Variants in CSMD1 observed in about 807,000 individuals in gnomAD.
CSMD1 encodes CUB and Sushi multiple domains 1.
CSMD1 carries 213 observed loss-of-function variants against 417.5 expected under a neutral mutation model. That is an observed-to-expected ratio of 0.51 (90% CI 0.46 to 0.57). The LOEUF (loss-of-function observed/expected upper bound fraction) is 0.57. CSMD1 is among the 20% of genes least tolerant of loss of function. The pLI, the probability that CSMD1 is intolerant of heterozygous loss-of-function variation, is 0.00. For synonymous variants in CSMD1, 2,862 were observed against 1,736.8 expected (o/e 1.65, Z -16.11); for missense variants, 6,923 against 4,529.7 (o/e 1.53, Z -15.17).
chr8:3,312,320 T>G (rs1805414121), intron 23 of CSMD1, among the ~76,000 whole-genome samples: 1 of 152,230 alleles, frequency 6.6e-6, no homozygotes, highest in Non-Finnish European at 1.5e-5. Flanking sequence ...CTGTCTCCTT[T>G]TTTTCTGATG....
intron 1 of CSMD1, among the ~76,000 whole-genome samples, chr8:4,805,153 T>C (rs1015016701): frequency 3.3e-5 from 5 of 152,164 alleles, no homozygotes; most frequent in African/African-American, 7.2e-5. Flanking sequence ...CGATGTTTTT[T>C]CCCCCTGGAT....
intron 5 of CSMD1, among the ~76,000 whole-genome samples, chr8:3,891,994 A>G (rs1015561739): frequency 1.3e-5 from 2 of 151,596 alleles, no homozygotes; most frequent in Admixed American, 1.3e-4. Context: ...ATATTAGCAC[A>G]CGATACTATC....
At chr8:4,115,218 C>G (rs968215939) in intron 3 of CSMD1, among the ~76,000 whole-genome samples, 5 of 152,168 alleles carry the variant, frequency 3.3e-5, no homozygotes, top group Non-Finnish European at 5.9e-5. Context: ...AGTCAGCAGC[C>G]ACCAACATTG....
At chr8:3,644,282 A>T (rs959298021) in intron 7 of CSMD1, among the ~76,000 whole-genome samples, 6 of 152,216 alleles carry the variant, frequency 3.9e-5, no homozygotes. Flanking sequence ...GAGAATTTAA[A>T]CAACAACACT....
chr8:4,132,739 G>A (rs568024270), intron 3 of CSMD1, among the ~76,000 whole-genome samples: 11 of 152,286 alleles, frequency 7.2e-5, no homozygotes, highest in Non-Finnish European at 1.3e-4. Flanking sequence ...TCAAAATGTT[G>A]CAGAGATAGT....
chr8:3,510,904 AG>A (rs1797037762), intron 10 of CSMD1, among the ~76,000 whole-genome samples: 1 of 151,786 alleles, frequency 6.6e-6, no homozygotes, highest in South Asian at 2.1e-4. Context: ...TCTGGATATT[AG>A]CCCTTCGTCA....
At chr8:4,920,037 G>T (rs1381313688) in intron 1 of CSMD1, among the ~76,000 whole-genome samples, 1 of 152,114 alleles carries the variant, frequency 6.6e-6, no homozygotes, top group Non-Finnish European at 1.5e-5. Flanking sequence ...TTTTGCTGCA[G>T]TAGCACAAAA....
intron 2 of CSMD1, among the ~76,000 whole-genome samples, chr8:4,618,811 A>G (rs1801619749): frequency 6.6e-6 from 1 of 152,158 alleles, no homozygotes; most frequent in Non-Finnish European, 1.5e-5. Flanking sequence ...TGTTCAGAGA[A>G]AACATTACAG....
chr8:4,220,219 G>A (rs1157479965), intron 3 of CSMD1, among the ~76,000 whole-genome samples: 6 of 152,204 alleles, frequency 3.9e-5, no homozygotes, highest in African/African-American at 1.2e-4. Flanking sequence ...TCAGAGTGCC[G>A]GGATTAGAGG....
chr8:4,143,230 C>A (rs1017195023), intron 3 of CSMD1, among the ~76,000 whole-genome samples: 1 of 151,156 alleles, frequency 6.6e-6, no homozygotes, highest in Non-Finnish European at 1.5e-5. Context: ...GGTCTAAACC[C>A]TCTTATAGGG....
intron 5 of CSMD1, among the ~76,000 whole-genome samples, chr8:3,801,949 T>C (rs1237545306): frequency 6.6e-6 from 1 of 151,896 alleles, no homozygotes; most frequent in Non-Finnish European, 1.5e-5. Flanking sequence ...GAACAGAAAA[T>C]GACTGATAAT....
chr8:3,301,307 G>A (rs569451643), intron 25 of CSMD1, among the ~76,000 whole-genome samples: 1 of 152,118 alleles, frequency 6.6e-6, no homozygotes, highest in African/African-American at 2.4e-5. Context: ...AAGGAACCAG[G>A]TGGTGGGCAG....
At chr8:3,261,881 A>G (rs939812415) in intron 26 of CSMD1, among the ~76,000 whole-genome samples, 3 of 152,008 alleles carry the variant, frequency 2.0e-5, no homozygotes, top group South Asian at 4.2e-4. Context: ...ACGGCTATCA[A>G]AGAGCAGCCT....
At chr8:3,349,736 T>C (rs1808266252) in intron 21 of CSMD1, among the ~76,000 whole-genome samples, 1 of 147,106 alleles carries the variant, frequency 6.8e-6, no homozygotes, top group Non-Finnish European at 1.5e-5. Flanking sequence ...ATCTATAATA[T>C]ATAAATACTT....
intron 2 of CSMD1, among the ~76,000 whole-genome samples, chr8:4,508,696 G>C (rs1281621950): frequency 6.6e-6 from 1 of 152,064 alleles, no homozygotes; most frequent in Non-Finnish European, 1.5e-5. Flanking sequence ...TAGTGGGTCT[G>C]GAACCATTTT....
intron 1 of CSMD1, among the ~76,000 whole-genome samples, chr8:4,844,293 C>T (rs1014453038): frequency 2.0e-5 from 3 of 152,124 alleles, no homozygotes; most frequent in Non-Finnish European, 2.9e-5. Context: ...ACCTAAATGT[C>T]CTCCAGCATC....
At chr8:4,418,178 C>A (rs1309451974) in intron 3 of CSMD1, among the ~76,000 whole-genome samples, 3 of 151,902 alleles carry the variant, frequency 2.0e-5, no homozygotes, top group African/African-American at 7.3e-5. Flanking sequence ...CAACATCAGA[C>A]TATAATATCA....
At chr8:4,935,294 C>G (rs1807536275) in intron 1 of CSMD1, among the ~76,000 whole-genome samples, 1 of 152,186 alleles carries the variant, frequency 6.6e-6, no homozygotes, top group Non-Finnish European at 1.5e-5. Flanking sequence ...TTCCCCATGA[C>G]TGAGCTCAGG....
At chr8:4,754,565 A>T (rs1439671192) in intron 1 of CSMD1, among the ~76,000 whole-genome samples, 1 of 151,764 alleles carries the variant, frequency 6.6e-6, no homozygotes, top group East Asian at 1.9e-4. Flanking sequence ...TTTAAAGCCA[A>T]GTAGGGCCAG....
Sources: allele counts gnomAD v4.1 joint callset (sites outside exome capture counted in the v4.1 genomes callset), GRCh38; gene constraint gnomAD v4.1.1; transcripts MANE v1.5; gene names NCBI Gene and HGNC (gene_info 2026-07-23, HGNC 2026-07-21).